Variants in SLC44A1 observed in about 807,000 individuals in gnomAD.
SLC44A1 encodes the protein choline transporter-like protein 1.
SLC44A1 carries 26 observed loss-of-function variants against 79.3 expected under a neutral mutation model. The observed-to-expected ratio is 0.33, with a 90% CI of 0.24 to 0.46. The LOEUF (loss-of-function observed/expected upper bound fraction) is 0.46, where lower values mean the gene tolerates loss of function less well. Ranked by LOEUF, SLC44A1 falls within the 20% of genes least tolerant of loss-of-function variation. SLC44A1 has a pLI of 1.00. For missense variants in SLC44A1, 688 were observed against 798.1 expected, an observed-to-expected ratio of 0.86 and a Z score of 1.66; for synonymous variants, 263 against 286.2, an observed-to-expected ratio of 0.92 and a Z score of 0.82.
At chr9:105,428,387 C>G (rs377300054) in intron 15 of SLC44A1, among the ~76,000 whole-genome samples, 18 of 152,142 alleles carry the variant, frequency 1.2e-4, no homozygotes, top group African/African-American at 4.3e-4. Context: ...TATTCCTTCC[C>G]CCATCAACTT....
At chr9:105,369,884 A>G (rs1828047114) in intron 12 of SLC44A1, among the ~76,000 whole-genome samples, 1 of 152,216 alleles carries the variant, frequency 6.6e-6, no homozygotes, top group African/African-American at 2.4e-5. Context: ...CTTTTTAACT[A>G]TATCCCATCA....
rs139534786 is a variant in SLC44A1, at chr9:105,415,555, G to A, written c.1951-22726G>A. Among the ~76,000 whole-genome samples the A allele has an allele frequency of 4.5e-3, 683 of 152,326 alleles. 3 individuals carry two copies. Among genetic ancestry groups the A allele is most frequent in the Non-Finnish European group, 7.4e-3 (505 of 68,018 alleles). Reference sequence around the variant, plus strand: ...TGGGGTGGTCGTCCTTGAGAGGGCAGCCATAGTACATGTGCTTGTCTCTAG... The same window carrying A: ...TGGGGTGGTCGTCCTTGAGAGGGCAACCATAGTACATGTGCTTGTCTCTAG... On this transcript the variant is annotated intron_variant, in intron 15 of 15. Transcript: ENST00000374724.
At chr9:105,311,079 G>A (rs1831168284) in intron 3 of SLC44A1, among the ~76,000 whole-genome samples, 1 of 152,022 alleles carries the variant, frequency 6.6e-6, no homozygotes, top group Admixed American at 6.6e-5. Context: ...AGTGAAAGTT[G>A]GACTCTTAGC....
chr9:105,293,768 A>G (rs1226338252), intron 1 of SLC44A1, among the ~76,000 whole-genome samples: 1 of 152,230 alleles, frequency 6.6e-6, no homozygotes, highest in African/African-American at 2.4e-5. Flanking sequence ...ATTTGCAATA[A>G]CATGGAAATT....
Position 105,392,263 on chromosome 9 carries a change from C to T in SLC44A1, c.*3207C>T, listed in dbSNP as rs1180989662. 2.0e-6 allele frequency: 2 copies of T among 983,112 alleles called. No individual in the cohort carries two copies. Among genetic ancestry groups the T allele is most frequent in the Admixed American group, 1.2e-4 (2 of 16,258 alleles). The allele number at this position is 983,112 out of a possible 1,614,324, so 60.9% of individuals were successfully genotyped here. ...CCTATAAGATAATTAAGTCCTAAGT[C>T]ACTACAACTTAAGTAGCTTAACTGT... On this transcript the variant is annotated 3_prime_UTR_variant, in exon 16 of 16. Coordinates refer to ENST00000374720, the MANE Select transcript of SLC44A1 (RefSeq NM_080546.5).
intron 4 of SLC44A1, among the ~76,000 whole-genome samples, chr9:105,346,404 A>T (rs549374127): frequency 3.9e-4 from 60 of 152,256 alleles, no homozygotes; most frequent in Admixed American, 2.5e-3. Context: ...AATTCAGATG[A>T]AGCAGTGTAT....
At chr9:105,262,191 A>G (rs1829858446) in intron 1 of SLC44A1, among the ~76,000 whole-genome samples, 1 of 152,232 alleles carries the variant, frequency 6.6e-6, no homozygotes. Flanking sequence ...CTAGAAATAC[A>G]AAAGTGCCCT....
chr9:105,284,927 T>C (rs56997371), intron 1 of SLC44A1, among the ~76,000 whole-genome samples: 2 of 152,334 alleles, frequency 1.3e-5, no homozygotes, highest in African/African-American at 4.8e-5. Flanking sequence ...TTAGCAGTCA[T>C]TCCCCATTTC....
intron 1 of SLC44A1, among the ~76,000 whole-genome samples, chr9:105,269,040 C>G (rs1830023513): frequency 6.6e-6 from 1 of 152,136 alleles, no homozygotes; most frequent in Admixed American, 6.5e-5. Flanking sequence ...AAATTTAAAG[C>G]TGTTGATTTT....
chr9:105,302,501 C>G (rs779791571), intron 2 of SLC44A1, among the ~76,000 whole-genome samples: 1 of 151,760 alleles, frequency 6.6e-6, no homozygotes, highest in Non-Finnish European at 1.5e-5. Context: ...TTCAGGCACC[C>G]AGCACCACTC....
At chr9:105,433,230 A>G (rs1564062051) in intron 15 of SLC44A1, among the ~76,000 whole-genome samples, 1 of 152,178 alleles carries the variant, frequency 6.6e-6, no homozygotes, top group African/African-American at 2.4e-5. Context: ...CAGGAGGTGG[A>G]GGTTGCAGTG....
chr9:105,276,779 G>T (rs1830216901), intron 1 of SLC44A1, among the ~76,000 whole-genome samples: 1 of 152,178 alleles, frequency 6.6e-6, no homozygotes, highest in Non-Finnish European at 1.5e-5. Flanking sequence ...AAGAAAACCA[G>T]AGTGGTCTGA....
chr9:105,391,797 C>T lies in SLC44A1; in HGVS notation c.*2741C>T. 1.0e-6 allele frequency: 1 copy of T among 985,224 alleles called. No individual in the cohort carries two copies. Among genetic ancestry groups the T allele is most frequent in the Non-Finnish European group, 1.2e-6 (1 of 829,814 alleles). 61.0% of individuals were successfully genotyped at this position (985,224 alleles called of 1,614,324 possible). A position where few individuals can be genotyped will look rare whatever the true frequency, so the allele number is the denominator to read the frequency against. The stretch of plus-strand genomic sequence containing the variant: ...GAAATTTCTCTGTGAAATGTGGATA[C>T]CCGAATAATTTCATAAATCATTGAT... On this transcript the variant is annotated 3_prime_UTR_variant, in exon 16 of 16. Coordinates refer to ENST00000374720, the MANE Select transcript of SLC44A1 (RefSeq NM_080546.5).
At chr9:105,298,149 T>C (rs1830779434) in intron 1 of SLC44A1, among the ~76,000 whole-genome samples, 2 of 152,168 alleles carry the variant, frequency 1.3e-5, no homozygotes. Flanking sequence ...GTCAATACTT[T>C]GCAAGTTAAC....
At chr9:105,363,560 G>A (rs1271245009) in intron 9 of SLC44A1, among the ~76,000 whole-genome samples, 3 of 151,280 alleles carry the variant, frequency 2.0e-5, no homozygotes, top group African/African-American at 4.9e-5. Flanking sequence ...AGCCTCCCAG[G>A]TTTAAGCGAT....
At chr9:105,343,067 G>C (rs1827148676) in intron 4 of SLC44A1, among the ~76,000 whole-genome samples, 1 of 151,898 alleles carries the variant, frequency 6.6e-6, no homozygotes, top group South Asian at 2.1e-4. Context: ...AGTGCTAATA[G>C]TTCACATGGA....
At chr9:105,283,174 G>C (rs1162959172) in intron 1 of SLC44A1, among the ~76,000 whole-genome samples, 1 of 152,190 alleles carries the variant, frequency 6.6e-6, no homozygotes, top group Non-Finnish European at 1.5e-5. Flanking sequence ...TCCGGGCATG[G>C]AGCGGGTGCT....
Position 105,397,318 on chromosome 9 carries a change from T to C in SLC44A1, c.*8262T>C. The C allele has an allele frequency of 3.1e-6, 3 of 978,178 alleles. No individual in the cohort carries two copies. Among genetic ancestry groups the C allele is most frequent in the Non-Finnish European group, 2.4e-6 (2 of 823,296 alleles). The allele number at this position is 978,178 out of a possible 1,614,324, so 60.6% of individuals were successfully genotyped here. On this transcript the variant is annotated 3_prime_UTR_variant, in exon 16 of 16. Coordinates refer to ENST00000374720, the MANE Select transcript of SLC44A1 (RefSeq NM_080546.5). ...TCTAACAAATGTATAGAATTTTTTA[T>C]GTAATAAATAAAATTTTATAGGAAA...
intron 15 of SLC44A1, among the ~76,000 whole-genome samples, chr9:105,431,573 C>T (rs960453606): frequency 9.2e-5 from 14 of 152,192 alleles, no homozygotes; most frequent in African/African-American, 3.4e-4. Context: ...AAGAGATTGA[C>T]AGCCTCCTCT....
Sources: gnomAD v4.1 joint callset for allele counts (sites outside exome capture counted in the v4.1 genomes callset) on GRCh38, gnomAD v4.1.1 for gene constraint, MANE v1.5 for transcripts, NCBI Gene and HGNC (gene_info 2026-07-23, HGNC 2026-07-21) for gene names.